The following GALNTL6 variants were observed in gnomAD, a reference collection of about 807,000 sequenced individuals.
GALNTL6 encodes polypeptide N-acetylgalactosaminyltransferase-like 6.
GALNTL6 carries 46 observed loss-of-function variants against 73.7 expected under a neutral mutation model. That is an observed-to-expected ratio of 0.62 (90% CI 0.49 to 0.80). GALNTL6 has a LOEUF of 0.80. Ranked by LOEUF, GALNTL6 falls within the 30% of genes least tolerant of loss-of-function variation. The probability of loss-of-function intolerance (pLI) is 0.00; values close to 1 mark genes in which losing one functional copy is unlikely to be tolerated. For missense variants in GALNTL6, 604 were observed against 755.0 expected (o/e 0.80, Z 2.34); for synonymous variants, 259 against 263.7 (o/e 0.98, Z 0.17).
At chr4:172,957,506 G>A (rs1048634617) in intron 10 of GALNTL6, among the ~76,000 whole-genome samples, 3 of 152,166 alleles carry the variant, frequency 2.0e-5, no homozygotes, top group East Asian at 3.9e-4. Flanking sequence ...AAGTTGCAAC[G>A]CTAGCTGCTT....
intron 5 of GALNTL6, among the ~76,000 whole-genome samples, chr4:172,641,957 G>T (rs1342944182): frequency 6.6e-6 from 1 of 151,964 alleles, no homozygotes; most frequent in Non-Finnish European, 1.5e-5. Context: ...TATACAAAGG[G>T]CCAACAGGTA....
rs139514311 is a variant in GALNTL6, at chr4:172,866,143, G to A, written c.924-16647G>A. ...CTTAGCCTTCCCACCTAGGATACCT[G>A]TTCAGGTATCCTGCTCCAAACTTTG... On this transcript the variant is annotated intron_variant, in intron 7 of 12. Transcript: ENST00000506823. Among the ~76,000 whole-genome samples, 737 of 152,222 alleles carry A rather than the reference G, an allele frequency of 4.8e-3. 6 individuals are homozygous for A. The highest frequency in any genetic ancestry group is 6.9e-3 in the Non-Finnish European group (469 of 68,008).
At chr4:172,001,507 T>G (rs1001271034) in intron 2 of GALNTL6, among the ~76,000 whole-genome samples, 2 of 152,148 alleles carry the variant, frequency 1.3e-5, no homozygotes, top group Non-Finnish European at 2.9e-5. Context: ...TAAGAGTACA[T>G]GAAGTTTAGT....
At chr4:172,299,269 T>G (rs1331328869) in intron 3 of GALNTL6, among the ~76,000 whole-genome samples, 2 of 152,218 alleles carry the variant, frequency 1.3e-5, no homozygotes, top group African/African-American at 4.8e-5. Flanking sequence ...TTCTTCTTTA[T>G]TAGTCTTGCT....
chr4:172,129,291 A>G (rs976118060), intron 2 of GALNTL6, among the ~76,000 whole-genome samples: 1 of 152,302 alleles, frequency 6.6e-6, no homozygotes, highest in Non-Finnish European at 1.5e-5. Flanking sequence ...ACAGCTCTAC[A>G]TGTTAACTGT....
At chr4:172,030,352 G>A (rs368077311) in intron 2 of GALNTL6, among the ~76,000 whole-genome samples, 8 of 151,958 alleles carry the variant, frequency 5.3e-5, no homozygotes, top group East Asian at 1.9e-4. Context: ...TCAAGCAACC[G>A]GGGTAGCATG....
chr4:172,370,904 G>C (rs989250701), intron 5 of GALNTL6, among the ~76,000 whole-genome samples: 5 of 152,178 alleles, frequency 3.3e-5, no homozygotes, highest in African/African-American at 1.2e-4. Context: ...GAAATCCTTT[G>C]AGAGTGTGTG....
At chr4:172,693,573 C>T (rs1376389112) in intron 5 of GALNTL6, among the ~76,000 whole-genome samples, 1 of 152,180 alleles carries the variant, frequency 6.6e-6, no homozygotes, top group African/African-American at 2.4e-5. Flanking sequence ...ATATAGACAC[C>T]TTAACTCACC....
At chr4:171,889,437 T>G (rs1050128035) in intron 2 of GALNTL6, among the ~76,000 whole-genome samples, 1 of 151,984 alleles carries the variant, frequency 6.6e-6, no homozygotes, top group Non-Finnish European at 1.5e-5. Flanking sequence ...CATACAAACT[T>G]AAAAGGATAG....
chr4:172,293,423 G>C (rs1178500158), intron 3 of GALNTL6, among the ~76,000 whole-genome samples: 1 of 140,934 alleles, frequency 7.1e-6, no homozygotes, highest in Non-Finnish European at 1.5e-5. Context: ...GATTATATAT[G>C]CATTAATGAC....
At chr4:171,856,106 AGTT>A (rs1216659736) in intron 2 of GALNTL6, among the ~76,000 whole-genome samples, 1 of 151,688 alleles carries the variant, frequency 6.6e-6, no homozygotes, top group Non-Finnish European at 1.5e-5. Flanking sequence ...TTGTTGTTGT[AGTT>A]GTTGTTGTTT....
At chr4:171,977,479 G>A (rs1195732484) in intron 2 of GALNTL6, among the ~76,000 whole-genome samples, 2 of 152,108 alleles carry the variant, frequency 1.3e-5, no homozygotes, top group Non-Finnish European at 1.5e-5. Flanking sequence ...CTCACTCCTT[G>A]GGGTGTAGAT....
intron 11 of GALNTL6, among the ~76,000 whole-genome samples, chr4:173,010,854 C>CT (rs1752521627): frequency 6.6e-6 from 1 of 151,662 alleles, no homozygotes; most frequent in Non-Finnish European, 1.5e-5. Flanking sequence ...ATCTGCCCAC[C>CT]TTGGCCTCCC....
At chr4:172,568,646 T>C (rs1446261901) in intron 5 of GALNTL6, among the ~76,000 whole-genome samples, 1 of 148,896 alleles carries the variant, frequency 6.7e-6, no homozygotes, top group East Asian at 2.0e-4. Context: ...TAGTCCCAGC[T>C]ACTCGGGAGG....
intron 2 of GALNTL6, among the ~76,000 whole-genome samples, chr4:171,961,031 A>C (rs1160481014): frequency 6.6e-6 from 1 of 151,934 alleles, no homozygotes; most frequent in Non-Finnish European, 1.5e-5. Context: ...CCAAGAAGCC[A>C]CTCTTGAGGT....
In GALNTL6 at chr4:172,451,854, TA is replaced by T. The variant is rs1271217220; in HGVS notation, c.553+103172del. Among the ~76,000 whole-genome samples, 7 of 151,794 alleles carry T rather than the reference TA, an allele frequency of 4.6e-5. No individual in the cohort carries two copies. In the South Asian group the frequency reaches 1.3e-3, roughly 27 times the overall value. On this transcript the variant is annotated intron_variant, in intron 5 of 12. Transcript: ENST00000506823. Reference sequence around the variant, plus strand: ...GACCCAGTCTCTATAAAAATGAAATTAAAAAAATTAGCTGTTTATGGTGGTG... The same window carrying T: ...GACCCAGTCTCTATAAAAATGAAATTAAAAAATTAGCTGTTTATGGTGGTG...
At chr4:172,707,803 G>T (rs1465760626) in intron 5 of GALNTL6, among the ~76,000 whole-genome samples, 1 of 2,558 alleles carries the variant, frequency 3.9e-4, no homozygotes, top group Non-Finnish European at 0.024. Context: ...GGGGATTCTT[G>T]CCAAACTGTT....
intron 5 of GALNTL6, among the ~76,000 whole-genome samples, chr4:172,792,028 G>A (rs767446649): frequency 3.3e-5 from 5 of 152,188 alleles, no homozygotes; most frequent in Admixed American, 1.3e-4. Context: ...AGTTCCAGGA[G>A]CCATGGACTG....
chr4:172,758,539 A>C (rs1236499558), intron 5 of GALNTL6, among the ~76,000 whole-genome samples: 1 of 152,216 alleles, frequency 6.6e-6, no homozygotes, highest in East Asian at 1.9e-4. Context: ...GTGTCTCTAA[A>C]AACAAAAGAA....
Sources: allele counts gnomAD v4.1 joint callset (sites outside exome capture counted in the v4.1 genomes callset), GRCh38; gene constraint gnomAD v4.1.1; transcripts MANE v1.5; gene names NCBI Gene and HGNC (gene_info 2026-07-23, HGNC 2026-07-21).